The following WDR45 variants were observed in gnomAD, a reference collection of about 807,000 sequenced individuals.
WDR45 encodes the protein WD repeat domain phosphoinositide-interacting protein 4.
WDR45 carries 2 observed loss-of-function variants against 27.3 expected under a neutral mutation model. That is an observed-to-expected ratio of 0.07 (90% CI 0.03 to 0.23). The LOEUF (loss-of-function observed/expected upper bound fraction) is 0.23. Ranked by LOEUF, WDR45 falls within the 10% of genes least tolerant of loss-of-function variation. The probability of loss-of-function intolerance (pLI) is 1.00; values close to 1 mark genes in which losing one functional copy is unlikely to be tolerated. For synonymous variants in WDR45, 99 were observed against 119.2 expected (o/e 0.83, Z 1.11); for missense variants, 175 against 311.9 (o/e 0.56, Z 3.31).
chrX:49,075,066 TC>T, intron 10 of WDR45, 69 bp downstream of exon 10: 1 of 1,183,283 alleles, frequency 8.5e-7, no homozygotes, highest in East Asian at 3.0e-5. Context: ...GGCCCTAAAA[TC>T]CTTTCAGGTC....
chrX:49,080,187 A>G (rs1238556228), upstream of WDR45: 2 of 112,391 alleles, frequency 1.8e-5, no homozygotes, highest in East Asian at 2.8e-4. Flanking sequence ...GTCACCCACA[A>G]TGGGGGAGTA....
At position 49,098,425 on chromosome X, in the gene WDR45, G is replaced by A. The variant is rs782367458; in HGVS notation, c.-18+1780C>T. On this transcript the variant is annotated intron_variant, in intron 2 of 11. Coordinates refer to the WDR45 transcript ENST00000356463. ...GTGCGGGAATTGCTTGAACCTGGGA[G>A]GCGGAGGTTGCAGTGAGTCAAGACC... 2.0e-4 allele frequency among the ~76,000 whole-genome samples: 22 copies of A among 108,414 alleles called. No homozygotes were observed. In the South Asian group the frequency reaches 8.9e-3, roughly 44 times the overall value. 94.1% of individuals were successfully genotyped at this position (108,414 alleles called of 115,157 possible). A position where few individuals can be genotyped will look rare whatever the true frequency, so the allele number is the denominator to read the frequency against.
At chrX:49,096,881 G>A (rs1240051412) in intron 2 of WDR45, among the ~76,000 whole-genome samples, 1 of 112,212 alleles carries the variant, frequency 8.9e-6, no homozygotes, top group African/African-American at 3.2e-5. Context: ...AGCCTCTCAA[G>A]TAGCTGGGAC....
chrX:49,089,522 G>A (rs917664045), intron 2 of WDR45, among the ~76,000 whole-genome samples: 3 of 109,353 alleles, frequency 2.7e-5, no homozygotes, highest in Admixed American at 9.9e-5. Flanking sequence ...TGCCTCCTAC[G>A]TAGCTGGAAT....
intron 2 of WDR45, among the ~76,000 whole-genome samples, chrX:49,085,213 C>T (rs973382571): frequency 2.7e-5 from 3 of 111,748 alleles, no homozygotes; most frequent in Admixed American, 9.6e-5. Flanking sequence ...CAGTATTTAG[C>T]GGAGTGCTTA....
At chrX:49,092,069 G>A in intron 2 of WDR45, among the ~76,000 whole-genome samples, 1 of 83,370 alleles carries the variant, frequency 1.2e-5, no homozygotes, top group Non-Finnish European at 2.1e-5. Context: ...TGCAGTGAGC[G>A]AGACCACGCC....
intron 2 of WDR45, among the ~76,000 whole-genome samples, chrX:49,093,847 G>A (rs782503608): frequency 3.8e-5 from 4 of 106,552 alleles, no homozygotes; most frequent in African/African-American, 1.4e-4. Flanking sequence ...GGCCCGGGGT[G>A]TCTTTTTTTT....
In WDR45 at chrX:49,075,353, G is replaced by A; in HGVS notation, c.827+11C>T. The A allele has an allele frequency of 8.3e-7, 1 of 1,208,642 alleles. No homozygotes were observed. The highest frequency in any genetic ancestry group is 1.1e-6 in the Non-Finnish European group (1 of 893,647). On this transcript the variant is annotated intron_variant, in intron 9 of 10. Coordinates refer to ENST00000376372, the MANE Select transcript of WDR45 (RefSeq NM_001029896.2). The stretch of plus-strand genomic sequence containing the variant: ...GACAGGGACACGGTAGGGTGGGGAG[G>A]GGGTACTCACGCGGAGCGGCGGTTG...
At chrX:49,082,970 C>T (rs1233502858), upstream of WDR45, among the ~76,000 whole-genome samples, 1 of 109,828 alleles carries the variant, frequency 9.1e-6, no homozygotes, top group African/African-American at 3.3e-5. Context: ...ACCTCCGCCT[C>T]CCGGGTTCAA....
chrX:49,099,191 G>T (rs1180948654), intron 2 of WDR45, among the ~76,000 whole-genome samples: 1 of 110,335 alleles, frequency 9.1e-6, no homozygotes, highest in African/African-American at 3.3e-5. Context: ...GGGCGTGGTG[G>T]TGCGTGCCTG....
intron 2 of WDR45, among the ~76,000 whole-genome samples, chrX:49,085,634 G>A (rs2065083749): frequency 8.9e-6 from 1 of 112,967 alleles, no homozygotes; most frequent in African/African-American, 3.2e-5. Context: ...CAGCACTTTG[G>A]GAGGCGGAAG....
At chrX:49,076,090 G>A (rs907513595) in intron 6 of WDR45, 145 bp from the exon 7 acceptor site, 4 of 507,559 alleles carry the variant, frequency 7.9e-6, no homozygotes, top group South Asian at 6.2e-5. Flanking sequence ...TCAGCTGCAC[G>A]CCCCGCCAGC....
In WDR45 at chrX:49,094,631, G is replaced by A. The variant is rs782731168; in HGVS notation, c.-18+5574C>T. 3.6e-5 allele frequency among the ~76,000 whole-genome samples: 4 copies of A among 110,705 alleles called. No homozygotes were observed. In the South Asian group the frequency reaches 1.6e-3, roughly 43 times the overall value. ...ATTTTGGAGCTAAGCAACCAATTAC[G>A]GCCTGGTGGTATATTCACCTGCTCC... On this transcript the variant is annotated intron_variant, in intron 2 of 11. Coordinates refer to the WDR45 transcript ENST00000356463.
At position 49,075,562 on chromosome X, in the gene WDR45, G is replaced by C; in HGVS notation, c.708C>G (p.Asp236Glu). ...EKLVELRRGTDPATLYCINFS... is the reference protein window; with the variant it reads ...EKLVELRRGTEPATLYCINFS... ...GTGCTCACCAGTAGAGGGTGGCAGG[G>C]TCAGTGCCTCGGCGCAGCTCCACCA... is the stretch of plus-strand genomic sequence containing the variant. Residue 236 changes from aspartate (D) to glutamate (E), a missense_variant, in exon 8 of 11, where the codon GAC (aspartate) becomes GAG (glutamate). By Grantham distance (45) the Asp-to-Glu change is conservative. Around this residue, in one of 3 missense-constraint regions of WDR45, gnomAD observed 71 missense variants for 123.0 expected, o/e 0.58. Coordinates refer to ENST00000376372, the MANE Select transcript of WDR45 (RefSeq NM_001029896.2). 8.3e-7 allele frequency: 1 copy of C among 1,212,038 alleles called. No homozygotes were observed. The highest frequency in any genetic ancestry group is 1.1e-6 in the Non-Finnish European group (1 of 895,557).
At chrX:49,076,347 C>T (rs1343253594) in intron 6 of WDR45, 83 bp downstream of exon 6, 2 of 990,187 alleles carry the variant, frequency 2.0e-6, no homozygotes, top group African/African-American at 1.9e-5. Flanking sequence ...GTGTGAGTGC[C>T]CCTTCCTTTC....
chrX:49,075,929 G>A lies in WDR45; in HGVS notation c.453C>T (p.Cys151=). ...RDNPKGLCDL[C]PSLEKQLLVF... ...CTAGCAGTTGCTTCTCCAGGCTGGGGCAGAGGTCACAGAGCCCTAGGGTGT... is the reference window on the plus strand; with the variant it reads ...CTAGCAGTTGCTTCTCCAGGCTGGGACAGAGGTCACAGAGCCCTAGGGTGT... The change falls in exon 7 of 11, where the codon TGC becomes TGT. Residue 151 remains cysteine, a synonymous_variant. Coordinates refer to ENST00000376372, the MANE Select transcript of WDR45 (RefSeq NM_001029896.2). The A allele has an allele frequency of 1.7e-6, 2 of 1,210,381 alleles. No homozygotes were observed. Among genetic ancestry groups the A allele is most frequent in the South Asian group, 3.5e-5 (2 of 56,710 alleles).
intron 2 of WDR45, among the ~76,000 whole-genome samples, chrX:49,089,701 C>A (rs782525572): frequency 9.5e-6 from 1 of 105,295 alleles, no homozygotes; most frequent in African/African-American, 3.5e-5. Flanking sequence ...GCAGGAAGAT[C>A]GCTTGAGCCT....
chrX:49,099,375 GA>G (rs1226784908), intron 2 of WDR45, among the ~76,000 whole-genome samples: 1 of 110,966 alleles, frequency 9.0e-6, no homozygotes, highest in Admixed American at 9.7e-5. Flanking sequence ...CTGAACCTTT[GA>G]AGAGTGCTAC....
At chrX:49,074,951 C>A (rs2065027695) in intron 10 of WDR45, 39 bp from the exon 11 acceptor site, 1 of 1,141,515 alleles carries the variant, frequency 8.8e-7, no homozygotes. Context: ...GAGGCTGCCA[C>A]AGCCACAGGC....
Sources: allele counts gnomAD v4.1 joint callset (sites outside exome capture counted in the v4.1 genomes callset), GRCh38; gene constraint gnomAD v4.1.1; regional missense constraint gnomAD v4.1.1; transcripts MANE v1.5; gene names NCBI Gene and HGNC (gene_info 2026-07-23, HGNC 2026-07-21).